The following GRAMD1B variants were observed in gnomAD, a reference collection of about 807,000 sequenced individuals.
GRAMD1B encodes the protein GRAM domain containing 1B, also known as protein Aster-B.
In GRAMD1B, 37 loss-of-function variants were observed where a neutral mutation model predicts 99.7. The observed-to-expected ratio is 0.37, with a 90% CI of 0.29 to 0.49. The LOEUF (loss-of-function observed/expected upper bound fraction) is 0.49. GRAMD1B is among the 20% of genes least tolerant of loss of function. GRAMD1B has a pLI of 0.98. For synonymous variants in GRAMD1B, 427 were observed against 387.6 expected (o/e 1.10, Z -1.19); for missense variants, 888 against 1,009.2 (o/e 0.88, Z 1.63).
intron 11 of GRAMD1B, chr11:123,608,308 G>T: frequency 1.7e-6 from 1 of 594,728 alleles, no homozygotes; most frequent in Non-Finnish European, 3.0e-6. Flanking sequence ...CCCATTCTTT[G>T]GGTTTAGGCA....
chr11:123,515,960 G>A (rs1230685701), intron 2 of GRAMD1B, among the ~76,000 whole-genome samples: 1 of 151,992 alleles, frequency 6.6e-6, no homozygotes, highest in Non-Finnish European at 1.5e-5. Flanking sequence ...TAGAGACGAG[G>A]GTTTCACCAT....
At chr11:123,443,018 C>A (rs1200566227) in intron 1 of GRAMD1B, among the ~76,000 whole-genome samples, 1 of 152,070 alleles carries the variant, frequency 6.6e-6, no homozygotes, top group Non-Finnish European at 1.5e-5. Flanking sequence ...TTTTTTACTG[C>A]AGTCTGTTTT....
intron 1 of GRAMD1B, among the ~76,000 whole-genome samples, chr11:123,406,085 G>C (rs1472766118): frequency 3.3e-5 from 5 of 150,724 alleles, no homozygotes; most frequent in Admixed American, 6.6e-5. Flanking sequence ...TGCGATCTCA[G>C]CTCTCTGCAA....
At chr11:123,546,901 TG>T (rs1203173580) in intron 2 of GRAMD1B, among the ~76,000 whole-genome samples, 1 of 152,124 alleles carries the variant, frequency 6.6e-6, no homozygotes, top group Non-Finnish European at 1.5e-5. Context: ...CTGTTCTTGG[TG>T]GGGGTTTGGA....
At chr11:123,561,711 C>T (rs942213833) in intron 2 of GRAMD1B, among the ~76,000 whole-genome samples, 7 of 152,362 alleles carry the variant, frequency 4.6e-5, no homozygotes, top group Middle Eastern at 3.4e-3. Flanking sequence ...GAGACCCCCT[C>T]GCTCCTCTAC....
intron 2 of GRAMD1B, among the ~76,000 whole-genome samples, chr11:123,548,347 C>CATATATATATATATAT (rs1565357831): frequency 8.7e-6 from 1 of 115,198 alleles, no homozygotes; most frequent in African/African-American, 4.5e-5. Flanking sequence ...CACACACACA[C>CATATATATATATATAT]ACATATATAT....
chr11:123,464,072 G>T (rs1010221020), intron 1 of GRAMD1B, among the ~76,000 whole-genome samples: 3 of 152,114 alleles, frequency 2.0e-5, no homozygotes, highest in Non-Finnish European at 4.4e-5. Flanking sequence ...GGAGGCCAAG[G>T]TGGGAGGGTC....
chr11:123,521,152 T>C (rs1027846268), intron 2 of GRAMD1B, among the ~76,000 whole-genome samples: 1 of 152,224 alleles, frequency 6.6e-6, no homozygotes, highest in Non-Finnish European at 1.5e-5. Flanking sequence ...TAATACCATA[T>C]AATTTTCTTA....
intron 1 of GRAMD1B, among the ~76,000 whole-genome samples, chr11:123,439,714 C>G (rs950868682): frequency 2.6e-5 from 4 of 152,164 alleles, no homozygotes; most frequent in Non-Finnish European, 4.4e-5. Flanking sequence ...ACTCAGGCCT[C>G]TGACCTGAAA....
chr11:123,484,662 C>T lies in GRAMD1B; in HGVS notation c.452+3769C>T, dbSNP rs939650404. 3.9e-5 allele frequency among the ~76,000 whole-genome samples: 6 copies of T among 152,126 alleles called. No homozygotes were observed. In the South Asian group the frequency reaches 8.3e-4, roughly 21 times the overall value. The stretch of plus-strand genomic sequence containing the variant: ...TGCTTCCTCTGGTGGTCCCTGTGAC[C>T]GGCCCCCCCTCCAACCCCCAAAACC... On this transcript the variant is annotated intron_variant, in intron 2 of 19. Coordinates refer to ENST00000635736, the MANE Select transcript of GRAMD1B (RefSeq NM_001387025.1).
At chr11:123,601,472 G>C (rs983428458) in intron 8 of GRAMD1B, among the ~76,000 whole-genome samples, 1 of 151,506 alleles carries the variant, frequency 6.6e-6, no homozygotes, top group African/African-American at 2.4e-5. Context: ...AGGAGAAAAC[G>C]CACCGACACA....
rs774631746 is a variant in GRAMD1B, at chr11:123,618,799, A to T, written c.2425A>T (p.Arg809Trp). The part of the protein sequence containing the change: ...TAWQGLRLQE[R>W]LPQSQTEWAQ... ...CTGGCAGGGTCTAAGGCTCCAAGAA[A>T]GGTAATCCTGGCCTCGTCCCCTCAC... The change falls in exon 18 of 20, where the codon AGG becomes TGG. Residue 809 changes from arginine (R) to tryptophan (W), a missense_variant and splice_region_variant. Arg to Trp is a moderately radical substitution (Grantham distance 101). Transcript: ENST00000635736. 4.7e-6 allele frequency: 7 copies of T among 1,494,252 alleles called. 1 individual carries two copies. In the East Asian group the frequency reaches 1.7e-4, roughly 36 times the overall value. 92.6% of individuals were successfully genotyped at this position (1,494,252 alleles called of 1,614,324 possible). A position where few individuals can be genotyped will look rare whatever the true frequency, so the allele number is the denominator to read the frequency against.
At chr11:123,464,075 G>T (rs1043682987) in intron 1 of GRAMD1B, among the ~76,000 whole-genome samples, 1 of 152,094 alleles carries the variant, frequency 6.6e-6, no homozygotes, top group African/African-American at 2.4e-5. Context: ...GGCCAAGGTG[G>T]GAGGGTCGCT....
intron 1 of GRAMD1B, among the ~76,000 whole-genome samples, chr11:123,467,832 TCCC>T (rs1950772683): frequency 2.5e-5 from 2 of 80,006 alleles, no homozygotes; most frequent in African/African-American, 4.3e-5. Context: ...CCTCCCTCCC[TCCC>T]TCCCTCCCTT....
At chr11:123,458,239 A>G (rs1950250352) in intron 1 of GRAMD1B, 1 of 152,286 alleles carries the variant, frequency 6.6e-6, no homozygotes, top group South Asian at 2.1e-4. Flanking sequence ...CAGGCCTCAG[A>G]ACCAGAGAAG....
At chr11:123,511,537 G>A (rs1591762983) in intron 2 of GRAMD1B, among the ~76,000 whole-genome samples, 1 of 152,082 alleles carries the variant, frequency 6.6e-6, no homozygotes, top group Non-Finnish European at 1.5e-5. Context: ...AGTAGATGGG[G>A]GCATCTAAGG....
At chr11:123,435,803 A>G in intron 1 of GRAMD1B, 1 of 224,230 alleles carries the variant, frequency 4.5e-6, no homozygotes, top group Non-Finnish European at 8.6e-6. Flanking sequence ...AGCTTTATTG[A>G]GATATAATTT....
intron 1 of GRAMD1B, among the ~76,000 whole-genome samples, chr11:123,422,775 T>C (rs1247335666): frequency 6.6e-6 from 1 of 152,184 alleles, no homozygotes; most frequent in Middle Eastern, 3.2e-3. Flanking sequence ...TTGTTCAACA[T>C]GGAAAATGCC....
intron 1 of GRAMD1B, among the ~76,000 whole-genome samples, chr11:123,462,170 T>C (rs1038508083): frequency 4.6e-5 from 7 of 151,896 alleles, no homozygotes; most frequent in Non-Finnish European, 8.8e-5. Flanking sequence ...GGTTTCACCA[T>C]GTTAGCCAGG....
Sources: gnomAD v4.1 joint callset for allele counts (sites outside exome capture counted in the v4.1 genomes callset) on GRCh38, gnomAD v4.1.1 for gene constraint, MANE v1.5 for transcripts, NCBI Gene and HGNC (gene_info 2026-07-23, HGNC 2026-07-21) for gene names.